The following ADGRL3 variants were observed in gnomAD, a reference collection of about 807,000 sequenced individuals.
ADGRL3 encodes the protein adhesion G protein-coupled receptor L3.
Under a neutral mutation model 153.5 loss-of-function variants are expected in ADGRL3, and 62 were observed. The ratio of observed to expected loss-of-function variants is 0.40; its 90% CI spans 0.33 to 0.50. ADGRL3 has a LOEUF of 0.50. Ranked by LOEUF, ADGRL3 falls within the 20% of genes least tolerant of loss-of-function variation. ADGRL3 has a pLI of 0.47. For missense variants in ADGRL3, 1,641 were observed against 1,859.4 expected (o/e 0.88, Z 2.16); for synonymous variants, 710 against 672.5 (o/e 1.06, Z -0.86).
chr4:61,305,650 GAT>G (rs2094753326), intron 1 of ADGRL3, among the ~76,000 whole-genome samples: 2 of 152,064 alleles, frequency 1.3e-5, no homozygotes, highest in African/African-American at 4.8e-5. Context: ...TCCCCCAAAA[GAT>G]AGGGTCTTTC....
At chr4:61,957,327 C>T (rs1230881361) in intron 17 of ADGRL3, among the ~76,000 whole-genome samples, 1 of 152,098 alleles carries the variant, frequency 6.6e-6, no homozygotes, top group Non-Finnish European at 1.5e-5. Context: ...CACGATTTGG[C>T]TCTCTACTTG....
intron 21 of ADGRL3, among the ~76,000 whole-genome samples, chr4:62,014,896 C>G (rs1022366446): frequency 6.6e-6 from 1 of 152,128 alleles, no homozygotes; most frequent in Non-Finnish European, 1.5e-5. Context: ...CCCCTTTAAG[C>G]AAAACAACAA....
intron 19 of ADGRL3, among the ~76,000 whole-genome samples, chr4:61,990,819 A>G (rs1256939030): frequency 6.6e-6 from 1 of 151,894 alleles, no homozygotes; most frequent in East Asian, 1.9e-4. Flanking sequence ...GGAGTCAGGT[A>G]GACTAGAATA....
At position 61,952,701 on chromosome 4, in the gene ADGRL3, A is replaced by G. The variant is rs187106678; in HGVS notation, c.2805+4425A>G. Among the ~76,000 whole-genome samples, 11 of 152,300 alleles carry G rather than the reference A, an allele frequency of 7.2e-5. No homozygotes were observed. In the East Asian group the frequency reaches 1.9e-3, roughly 27 times the overall value. On this transcript the variant is annotated intron_variant, in intron 17 of 26. Coordinates refer to ENST00000683033, the MANE Select transcript of ADGRL3 (RefSeq NM_001387552.1). ...TTGATCCATCTTAGCAAGATTGGCT[A>G]TATATTAACAAGTAATAGATTTAAA...
intron 16 of ADGRL3, 86 bp downstream of exon 16, chr4:61,947,208 T>C (rs111420636): frequency 7.2e-6 from 8 of 1,104,476 alleles, no homozygotes; most frequent in African/African-American, 3.2e-5. Context: ...TTTCTTTTAA[T>C]GTTTTTTCTA....
intron 17 of ADGRL3, among the ~76,000 whole-genome samples, chr4:61,957,198 C>T (rs1475561477): frequency 6.6e-6 from 1 of 152,024 alleles, no homozygotes; most frequent in Non-Finnish European, 1.5e-5. Flanking sequence ...TGTTTATGTC[C>T]TCTCTTATTT....
intron 4 of ADGRL3, among the ~76,000 whole-genome samples, chr4:61,560,319 T>C (rs143273703): frequency 1.3e-5 from 2 of 152,142 alleles, no homozygotes; most frequent in East Asian, 3.8e-4. Context: ...GTTAATAAGG[T>C]ATCTTTTATG....
At chr4:61,959,944 T>C (rs2098981614) in intron 17 of ADGRL3, among the ~76,000 whole-genome samples, 3 of 152,098 alleles carry the variant, frequency 2.0e-5, no homozygotes, top group Admixed American at 2.0e-4. Flanking sequence ...AATACTTTAG[T>C]ATAATACTTT....
At chr4:61,837,058 A>G (rs2097947635) in intron 9 of ADGRL3, among the ~76,000 whole-genome samples, 1 of 152,114 alleles carries the variant, frequency 6.6e-6, no homozygotes, top group Non-Finnish European at 1.5e-5. Context: ...TTTTATCCTC[A>G]TTATAGAAAT....
intron 1 of ADGRL3, among the ~76,000 whole-genome samples, chr4:61,326,611 G>A (rs995296966): frequency 2.0e-5 from 3 of 151,282 alleles, no homozygotes; most frequent in African/African-American, 7.3e-5. Flanking sequence ...GTGTGTGTGT[G>A]TGTGTGTGTG....
chr4:61,531,777 A>G (rs1159081044), intron 4 of ADGRL3, among the ~76,000 whole-genome samples: 1 of 148,248 alleles, frequency 6.7e-6, no homozygotes, highest in Non-Finnish European at 1.5e-5. Flanking sequence ...CTAATAGTAC[A>G]CTTTACATTT....
At chr4:61,365,143 C>A (rs907350435) in intron 1 of ADGRL3, among the ~76,000 whole-genome samples, 3 of 152,050 alleles carry the variant, frequency 2.0e-5, no homozygotes, top group African/African-American at 4.8e-5. Context: ...CAGATACATA[C>A]TGCCCAGACA....
At chr4:61,584,202 A>G (rs78909591) in intron 4 of ADGRL3, among the ~76,000 whole-genome samples, 1,658 of 152,138 alleles carry the variant, frequency 0.011, 28 homozygotes, top group African/African-American at 0.038. Flanking sequence ...TCCCATTAAC[A>G]AATTCCCGTA....
chr4:61,642,359 G>T (rs140862749), intron 5 of ADGRL3, among the ~76,000 whole-genome samples: 21,005 of 152,110 alleles, frequency 0.14, 1,926 homozygotes, highest in Non-Finnish European at 0.2. Context: ...TGAAGTCCTT[G>T]CCCATGCCTA....
intron 2 of ADGRL3, among the ~76,000 whole-genome samples, chr4:61,461,793 A>T (rs537281949): frequency 6.6e-6 from 1 of 152,324 alleles, no homozygotes; most frequent in Non-Finnish European, 1.5e-5. Flanking sequence ...GTAACAAATA[A>T]GACCCAGGCT....
At chr4:61,624,330 G>C (rs1202340284) in intron 5 of ADGRL3, among the ~76,000 whole-genome samples, 1 of 152,098 alleles carries the variant, frequency 6.6e-6, no homozygotes, top group African/African-American at 2.4e-5. Context: ...AGCTATGATA[G>C]CATTTTAGAC....
intron 9 of ADGRL3, among the ~76,000 whole-genome samples, chr4:61,819,483 T>C (rs1210547307): frequency 1.3e-5 from 2 of 152,114 alleles, no homozygotes; most frequent in Admixed American, 6.5e-5. Flanking sequence ...CTACATCTTT[T>C]TCTTTCTCTT....
chr4:61,422,638 G>A lies in ADGRL3; in HGVS notation c.-174+39449G>A, dbSNP rs976204238. ...ATAAGCATTTGAGACTAATGTAGAT[G>A]TTTCAGTGTACCTAATTCATTGATA... On this transcript the variant is annotated intron_variant, in intron 2 of 26. Coordinates refer to ENST00000683033, the MANE Select transcript of ADGRL3 (RefSeq NM_001387552.1). Among the ~76,000 whole-genome samples, 7 of 152,162 alleles carry A rather than the reference G, an allele frequency of 4.6e-5. No homozygotes were observed. The East Asian group carries it at 1.4e-3, about 29-fold the overall frequency.
chr4:61,726,199 C>CTTTTTTTTTTTTTTTTTTTTT (rs1012113549), intron 6 of ADGRL3, among the ~76,000 whole-genome samples: 14 of 82,994 alleles, frequency 1.7e-4, no homozygotes, highest in African/African-American at 2.7e-4. Flanking sequence ...CTCACTGGAA[C>CTTTTTTTTTTTTTTTTTTTTT]TTTTTTTTTT....
Sources: gnomAD v4.1 joint callset for allele counts (sites outside exome capture counted in the v4.1 genomes callset) on GRCh38, gnomAD v4.1.1 for gene constraint, MANE v1.5 for transcripts, NCBI Gene and HGNC (gene_info 2026-07-23, HGNC 2026-07-21) for gene names.